The following COL4A5 variants were observed in gnomAD, a reference collection of about 807,000 sequenced individuals.
COL4A5 encodes the protein collagen type IV alpha 5 chain, also known as collagen alpha-5(IV) chain.
Under a neutral mutation model 130.2 loss-of-function variants are expected in COL4A5, and 26 were observed. That is an observed-to-expected ratio of 0.20 (90% confidence interval 0.15 to 0.28). COL4A5 has a LOEUF of 0.28. COL4A5 is among the 10% of genes least tolerant of loss of function. The pLI is 1.00. For missense variants in COL4A5, 1,131 were observed against 1,344.3 expected, an observed-to-expected ratio of 0.84 and a Z score of 2.48; for synonymous variants, 496 against 439.6, an observed-to-expected ratio of 1.13 and a Z score of -1.60.
chrX:108,658,193 T>C (rs957613332), intron 37 of COL4A5, among the ~76,000 whole-genome samples: 2 of 111,548 alleles, frequency 1.8e-5, no homozygotes, highest in African/African-American at 6.5e-5. Flanking sequence ...AAATTCTTTT[T>C]CTGAATCTAC....
At chrX:108,638,107 G>A (rs2067389002) in intron 36 of COL4A5, among the ~76,000 whole-genome samples, 1 of 111,085 alleles carries the variant, frequency 9.0e-6, no homozygotes, top group African/African-American at 3.3e-5. Flanking sequence ...TCCAGACAAA[G>A]ACACTACAAT....
intron 1 of COL4A5, among the ~76,000 whole-genome samples, chrX:108,449,910 C>T (rs1270285417): frequency 8.9e-6 from 1 of 111,861 alleles, no homozygotes; most frequent in African/African-American, 3.3e-5. Context: ...GGGACATAAA[C>T]ATGTATCATA....
intron 2 of COL4A5, among the ~76,000 whole-genome samples, chrX:108,549,438 A>G (rs1028553254): frequency 2.7e-5 from 3 of 112,198 alleles, no homozygotes; most frequent in African/African-American, 9.7e-5. Context: ...AGAAATAAAT[A>G]ATAATATTTG....
intron 36 of COL4A5, among the ~76,000 whole-genome samples, chrX:108,647,328 A>G (rs2147919015): frequency 9.1e-6 from 1 of 110,302 alleles, no homozygotes; most frequent in Admixed American, 9.6e-5. Flanking sequence ...TAGGTATTTT[A>G]TTCTCTTTGA....
chrX:108,552,040 A>T (rs1259067839), intron 2 of COL4A5, among the ~76,000 whole-genome samples: 1 of 111,428 alleles, frequency 9.0e-6, no homozygotes, highest in Non-Finnish European at 1.9e-5. Flanking sequence ...GCAGCAATAG[A>T]CACTGGGGAC....
Position 108,601,414 on chromosome X carries a change from A to G in COL4A5, c.1970A>G (p.Gln657Arg), listed in dbSNP as rs1414821590. Reference sequence around the variant, plus strand: ...TCAGGTCCTAAAGGGGATCCAGGTCAGACTATAACCCAGCCGGGGAAGCCT... The same window carrying G: ...TCAGGTCCTAAAGGGGATCCAGGTCGGACTATAACCCAGCCGGGGAAGCCT... ...GIPGPKGDPG[Q>R]TITQPGKPGL... Residue 657 changes from glutamine to arginine, a missense_variant, in exon 26 of 53, where the codon CAG becomes CGG. Transcript: ENST00000328300. 3.3e-6 allele frequency: 4 copies of G among 1,205,572 alleles called. No individual in the cohort carries two copies. In the Admixed American group the frequency reaches 8.8e-5, roughly 26 times the overall value.
chrX:108,602,669 G>C (rs1174543821), intron 27 of COL4A5, among the ~76,000 whole-genome samples: 1 of 111,794 alleles, frequency 8.9e-6, no homozygotes, highest in East Asian at 2.8e-4. Flanking sequence ...AAAAGTTCTT[G>C]GGCATTTTTG....
chrX:108,689,360 G>A, intron 49 of COL4A5: 1 of 748,452 alleles, frequency 1.3e-6, no homozygotes, highest in South Asian at 6.8e-5. Flanking sequence ...AACCTACCAG[G>A]TCAACAGAGG....
chrX:108,527,321 A>G (rs2065336653), intron 1 of COL4A5, among the ~76,000 whole-genome samples: 1 of 111,385 alleles, frequency 9.0e-6, no homozygotes, highest in South Asian at 3.8e-4. Flanking sequence ...TTAAAGGTTT[A>G]CCCTAGAAGT....
intron 2 of COL4A5, among the ~76,000 whole-genome samples, chrX:108,546,924 A>G (rs2147685711): frequency 8.9e-6 from 1 of 112,186 alleles, no homozygotes; most frequent in East Asian, 2.8e-4. Context: ...TTGTGCATTC[A>G]TCACGTAGTT....
intron 13 of COL4A5, among the ~76,000 whole-genome samples, chrX:108,579,358 T>A (rs2066206590): frequency 8.9e-6 from 1 of 112,705 alleles, no homozygotes; most frequent in Non-Finnish European, 1.9e-5. Context: ...GCTTCATTCC[T>A]TTTTATGGCT....
intron 20 of COL4A5, 103 bp from the exon 21 acceptor site, chrX:108,591,458 T>C: frequency 1.4e-6 from 1 of 728,573 alleles, no homozygotes; most frequent in Middle Eastern, 3.1e-4. Context: ...GGTACTTTTA[T>C]TTCTTCAGAG....
At chrX:108,630,350 C>T (rs2067232183) in intron 36 of COL4A5, among the ~76,000 whole-genome samples, 1 of 111,872 alleles carries the variant, frequency 8.9e-6, no homozygotes, top group African/African-American at 3.3e-5. Flanking sequence ...GATCACCATT[C>T]TAACTGGTGT....
In COL4A5 at chrX:108,615,101, A is replaced by G. The variant is rs969298149; in HGVS notation, c.2509+77A>G. 9 of 715,898 alleles carry G rather than the reference A, an allele frequency of 1.3e-5. No homozygotes were observed. The African/African-American group carries it at 1.7e-4, about 13-fold the overall frequency. The allele number at this position is 715,898 out of a possible 1,213,427, so 59.0% of individuals were successfully genotyped here. The stretch of plus-strand genomic sequence containing the variant: ...TTAGCTCATCAATAAAGTGAAACCT[A>G]CAAAACAGTCTTCCAGAAGCAGACT... On this transcript the variant is annotated intron_variant, in intron 30 of 52. Coordinates refer to ENST00000328300, the MANE Select transcript of COL4A5 (RefSeq NM_033380.3).
At position 108,692,848 on chromosome X, in the gene COL4A5, C is replaced by T. The variant is rs772136082; in HGVS notation, c.4629C>T (p.Tyr1543=). ...TTGCTTCAAGAAATGACTATTCTTA[C>T]TGGCTCTCTACCCCAGAGCCCATGC... ...CNFASRNDYS[Y]WLSTPEPMPM... is the part of the protein sequence containing the mutation. The change falls in exon 50 of 53, where the codon TAC becomes TAT. Residue 1543 remains tyrosine (Y), a synonymous_variant. Coordinates refer to ENST00000328300, the MANE Select transcript of COL4A5 (RefSeq NM_033380.3). 2.2e-5 allele frequency: 26 copies of T among 1,208,826 alleles called. No individual in the cohort carries two copies. The highest frequency in any genetic ancestry group is 2.8e-5 in the Non-Finnish European group (25 of 894,231).
At position 108,619,362 on chromosome X, in the gene COL4A5, T is replaced by C. The variant is rs762848499; in HGVS notation, c.2510-897T>C. On this transcript the variant is annotated intron_variant, in intron 30 of 52. Transcript: ENST00000328300. ...ATCTGGCTCAACCCCTAGTTTCCAATTGGTTATGGCATAATCCCCATTTAG... is the reference window on the plus strand; with the variant it reads ...ATCTGGCTCAACCCCTAGTTTCCAACTGGTTATGGCATAATCCCCATTTAG... Among the ~76,000 whole-genome samples the C allele has an allele frequency of 8.9e-5, 10 of 112,020 alleles. No individual in the cohort carries two copies. The East Asian group carries it at 2.0e-3, about 22-fold the overall frequency.
intron 36 of COL4A5, among the ~76,000 whole-genome samples, chrX:108,643,445 A>C (rs1239809522): frequency 9.0e-6 from 1 of 111,595 alleles, no homozygotes; most frequent in Non-Finnish European, 1.9e-5. Flanking sequence ...GAAGGAAAGA[A>C]TCTTAAGAGC....
rs761853321 is a variant in COL4A5, at chrX:108,481,267, A to G, written c.81+41061A>G. 1.4e-4 allele frequency among the ~76,000 whole-genome samples: 15 copies of G among 110,778 alleles called. 1 individual carries two copies. Among genetic ancestry groups the G allele is most frequent in the East Asian group, 2.9e-4 (1 of 3,507 alleles). ...ATATCTGACCATTTCCCTCTCCCCA[A>G]TGCATAGTTACCATGGTAAAAGGTC... On this transcript the variant is annotated intron_variant, in intron 1 of 52. Transcript: ENST00000328300.
intron 1 of COL4A5, among the ~76,000 whole-genome samples, chrX:108,531,431 A>G (rs1332001966): frequency 1.8e-5 from 2 of 110,173 alleles, no homozygotes; most frequent in Non-Finnish European, 3.8e-5. Flanking sequence ...AAATGTAAAC[A>G]CAACATACAT....
Sources: allele counts gnomAD v4.1 joint callset (sites outside exome capture counted in the v4.1 genomes callset), GRCh38; gene constraint gnomAD v4.1.1; transcripts MANE v1.5; gene names NCBI Gene and HGNC (gene_info 2026-07-23, HGNC 2026-07-21).